The following ANKRD36B variants were observed in gnomAD, a reference collection of about 807,000 sequenced individuals.
ANKRD36B encodes ankyrin repeat domain-containing protein 36B.
ANKRD36B carries 37 observed loss-of-function variants against 135.7 expected under a neutral mutation model. The observed-to-expected ratio is 0.27, with a 90% confidence interval of 0.21 to 0.36. ANKRD36B has a LOEUF of 0.36. Among genes scored for constraint, ANKRD36B ranks in the 10% least tolerant of loss-of-function variants. The pLI is 1.00. For synonymous variants in ANKRD36B, 179 were observed against 348.1 expected (o/e 0.51, Z 5.41); for missense variants, 549 against 1,037.1 (o/e 0.53, Z 6.46).
intron 6 of ANKRD36B, among the ~76,000 whole-genome samples, chr2:97,574,968 C>T (rs2082131490): frequency 1.3e-5 from 2 of 152,082 alleles, no homozygotes; most frequent in African/African-American, 4.8e-5. Flanking sequence ...GGACAACAGA[C>T]ATACCAATCA....
intron 6 of ANKRD36B, among the ~76,000 whole-genome samples, chr2:97,565,925 T>C (rs1356828345): frequency 6.6e-6 from 1 of 151,600 alleles, no homozygotes; most frequent in Admixed American, 6.6e-5. Flanking sequence ...GTTCCTATAA[T>C]CTCAGCTACT....
rs181403494 is a variant in ANKRD36B at position 97,589,730 on chromosome 2, G to C, written c.-45C>G. ...CGCTCGTCGTCTTCCTTAATCGTCG[G>C]CTGCAAATTGTAGCCTGCAGCCGTA... is the stretch of plus-strand genomic sequence containing the variant. On this transcript the variant is annotated 5_prime_UTR_variant, in exon 1 of 44. Transcript: ENST00000359901. 60 of 1,612,782 alleles carry C rather than the reference G, an allele frequency of 3.7e-5. No homozygotes were observed. The African/African-American group carries it at 7.1e-4, about 19-fold the overall frequency.
chr2:97,563,229 G>C (rs1007591985), intron 6 of ANKRD36B, among the ~76,000 whole-genome samples: 1 of 151,764 alleles, frequency 6.6e-6, no homozygotes, highest in African/African-American at 2.4e-5. Context: ...GAAATAACTT[G>C]TGAAGACTTG....
intron 8 of ANKRD36B, 67 bp from the exon 9 acceptor site, chr2:97,559,061 G>T (rs2080786542): frequency 5.0e-6 from 8 of 1,596,250 alleles, no homozygotes; most frequent in Admixed American, 1.7e-5. Context: ...TACATTCCAT[G>T]CAGTGTTAGC....
intron 14 of ANKRD36B, among the ~76,000 whole-genome samples, chr2:97,554,377 A>G (rs2922580): frequency 1.3e-5 from 2 of 151,948 alleles, no homozygotes; most frequent in South Asian, 2.1e-4. Flanking sequence ...AAAGATATAT[A>G]TCTTATGCCT....
chr2:97,556,175 T>C (rs1196229952), intron 12 of ANKRD36B, among the ~76,000 whole-genome samples: 1 of 151,396 alleles, frequency 6.6e-6, no homozygotes, highest in African/African-American at 2.4e-5. Flanking sequence ...GGAAAATGCT[T>C]TGGAAAAAAG....
At chr2:97,527,312 T>C (rs557075634) in intron 35 of ANKRD36B, among the ~76,000 whole-genome samples, 1 of 94,122 alleles carries the variant, frequency 1.1e-5, no homozygotes, top group East Asian at 2.3e-4. Flanking sequence ...CTAAGCTTCA[T>C]AAGTGAAGGA....
intron 3 of ANKRD36B, among the ~76,000 whole-genome samples, chr2:97,582,771 T>G (rs960706778): frequency 2.0e-5 from 3 of 152,154 alleles, no homozygotes; most frequent in Non-Finnish European, 4.4e-5. Flanking sequence ...TTTCAGATTT[T>G]TTTTCCAAAA....
intron 20 of ANKRD36B, 143 bp from the exon 21 acceptor site, chr2:97,547,874 T>A (rs1026385175): frequency 3.1e-6 from 4 of 1,279,548 alleles, no homozygotes; most frequent in South Asian, 1.3e-5. Flanking sequence ...GTCTGGGGAC[T>A]AGAACATGAC....
chr2:97,585,271 A>G lies in ANKRD36B; in HGVS notation c.276+13T>C. The G allele has an allele frequency of 2.5e-6, 4 of 1,588,352 alleles. No homozygotes were observed. Among genetic ancestry groups the G allele is most frequent in the Non-Finnish European group, 3.4e-6 (4 of 1,165,302 alleles). ...AAATCCATCTCATGCTCAAAGAGTC[A>G]GCTACTATGTACCTTGATCAGAGGT... On this transcript the variant is annotated intron_variant, in intron 2 of 43. Coordinates refer to ENST00000359901, the MANE Select transcript of ANKRD36B (RefSeq NM_001393939.1).
chr2:97,575,363 G>A lies in ANKRD36B; in HGVS notation c.763+1016C>T, dbSNP rs1013720213. ...CTGCATCTCCAACCTCAGATTTGGA[G>A]GGAAGGGAAGTTATTCTTCCCTGTT... On this transcript the variant is annotated intron_variant, in intron 6 of 43. Transcript: ENST00000359901. Among the ~76,000 whole-genome samples the A allele has an allele frequency of 3.9e-5, 6 of 152,046 alleles. No individual in the cohort carries two copies. The East Asian group carries it at 1.2e-3, about 29-fold the overall frequency.
At chr2:97,569,329 T>C (rs376824106) in intron 6 of ANKRD36B, among the ~76,000 whole-genome samples, 2 of 152,280 alleles carry the variant, frequency 1.3e-5, no homozygotes, top group Non-Finnish European at 1.5e-5. Context: ...GAAAAAGATA[T>C]CCACTATGTT....
intron 26 of ANKRD36B, among the ~76,000 whole-genome samples, chr2:97,543,217 T>C (rs1322832365): frequency 1.3e-5 from 2 of 150,684 alleles, no homozygotes; most frequent in Admixed American, 6.6e-5. Flanking sequence ...AAATCTTCTT[T>C]ATGCAAATAT....
intron 6 of ANKRD36B, among the ~76,000 whole-genome samples, chr2:97,567,765 C>T (rs1056941673): frequency 4.6e-5 from 7 of 152,110 alleles, no homozygotes; most frequent in African/African-American, 1.7e-4. Context: ...TTGTCAAGTG[C>T]ATACACATTA....
In ANKRD36B at chr2:97,537,850, C is replaced by G. The variant is rs1350660158; in HGVS notation, c.2089+318G>C. 3.1e-5 allele frequency among the ~76,000 whole-genome samples: 3 copies of G among 96,582 alleles called. 1 individual carries two copies. The highest frequency in any genetic ancestry group is 9.3e-5 in the African/African-American group (3 of 32,160). 63.4% of individuals were successfully genotyped at this position (96,582 alleles called of 152,430 possible). A position where few individuals can be genotyped will look rare whatever the true frequency, so the allele number is the denominator to read the frequency against. ...ATTACTTTTTTCTCTTTCTCCTTCC[C>G]CTTTCCATAGAAACATGCTCTGAAA... On this transcript the variant is annotated intron_variant, in intron 32 of 43. Coordinates refer to ENST00000359901, the MANE Select transcript of ANKRD36B (RefSeq NM_001393939.1).
chr2:97,582,943 A>G (rs1229791201), intron 3 of ANKRD36B, among the ~76,000 whole-genome samples: 1 of 152,070 alleles, frequency 6.6e-6, no homozygotes, highest in Non-Finnish European at 1.5e-5. Flanking sequence ...TATTAAAATA[A>G]TATTAAATTA....
chr2:97,514,088 A>C (rs1239912443), intron 37 of ANKRD36B, among the ~76,000 whole-genome samples: 1 of 137,262 alleles, frequency 7.3e-6, no homozygotes, highest in East Asian at 2.1e-4. Flanking sequence ...GGCCACGGTC[A>C]CTCATATTTG....
At chr2:97,561,117 A>G (rs1412544987) in intron 6 of ANKRD36B, among the ~76,000 whole-genome samples, 1 of 151,910 alleles carries the variant, frequency 6.6e-6, no homozygotes, top group Non-Finnish European at 1.5e-5. Context: ...TAAAACTAAA[A>G]TAAAACCATG....
Position 97,534,516 on chromosome 2 carries a change from T to C in ANKRD36B, c.2191+1784A>G, listed in dbSNP as rs1403517451. 6.3e-4 allele frequency among the ~76,000 whole-genome samples: 61 copies of C among 96,722 alleles called. 22 individuals are homozygous for C. The highest frequency in any genetic ancestry group is 1.4e-3 in the Non-Finnish European group (50 of 36,430). The allele number at this position is 96,722 out of a possible 152,430, so 63.5% of individuals were successfully genotyped here. A position where few individuals can be genotyped will look rare whatever the true frequency, so the allele number is the denominator to read the frequency against. ...TGGCTAGAAACATGCTCAGAAATAG[T>C]AGCAAAATGACACTGTTATGTTTCA... On this transcript the variant is annotated intron_variant, in intron 34 of 43. Transcript: ENST00000359901.
Sources: gnomAD v4.1 joint callset for allele counts (sites outside exome capture counted in the v4.1 genomes callset) on GRCh38, gnomAD v4.1.1 for gene constraint, MANE v1.5 for transcripts, NCBI Gene and HGNC (gene_info 2026-07-23, HGNC 2026-07-21) for gene names.